KCNK13: variants seen among roughly 807,000 people sequenced by gnomAD.
The protein encoded by KCNK13 is potassium two pore domain channel subfamily K member 13, also known as potassium channel subfamily K member 13.
In KCNK13, 12 loss-of-function variants were observed where a neutral mutation model predicts 23.4. The ratio of observed to expected loss-of-function variants is 0.51; its 90% confidence interval spans 0.33 to 0.83. KCNK13 has a LOEUF of 0.83. Ranked by LOEUF, KCNK13 falls within the 40% of genes least tolerant of loss-of-function variation. The pLI, the probability that KCNK13 is intolerant of heterozygous loss-of-function variation, is 0.02. For missense variants in KCNK13, 463 were observed against 556.3 expected (o/e 0.83, Z 1.69); for synonymous variants, 231 against 229.5 (o/e 1.01, Z -0.06).
rs1466547422 is a variant in KCNK13 at position 90,075,622 on chromosome 14, G to A, written c.334+13083G>A. Among the ~76,000 whole-genome samples the A allele has an allele frequency of 2.6e-5, 4 of 152,104 alleles. No homozygotes were observed. In the South Asian group the frequency reaches 8.3e-4, roughly 32 times the overall value. On this transcript the variant is annotated intron_variant, in intron 1 of 1. Transcript: ENST00000282146. The stretch of plus-strand genomic sequence containing the variant: ...GCCTCCTGAGTAGCTGGGATTACAG[G>A]CGTGCACCACCATGCTCGGCTAATT...
At chr14:90,146,332 T>TG (rs896784954) in intron 1 of KCNK13, among the ~76,000 whole-genome samples, 15 of 152,028 alleles carry the variant, frequency 9.9e-5, no homozygotes, top group South Asian at 6.2e-4. Flanking sequence ...TCTTTTTTAG[T>TG]GGGGGGGCAA....
chr14:90,107,220 C>T (rs1179934405), intron 1 of KCNK13, among the ~76,000 whole-genome samples: 1 of 152,052 alleles, frequency 6.6e-6, no homozygotes, highest in Non-Finnish European at 1.5e-5. Context: ...TGGCTCATGC[C>T]TGTAATCCCA....
At chr14:90,073,587 T>C (rs1249917324) in intron 1 of KCNK13, among the ~76,000 whole-genome samples, 1 of 152,184 alleles carries the variant, frequency 6.6e-6, no homozygotes, top group African/African-American at 2.4e-5. Flanking sequence ...CGAACTGTGC[T>C]CCCCGGAGCC....
chr14:90,077,333 C>G (rs1012238058), intron 1 of KCNK13, among the ~76,000 whole-genome samples: 6 of 148,868 alleles, frequency 4.0e-5, no homozygotes, highest in Non-Finnish European at 7.4e-5. Context: ...GTTGGCCAGG[C>G]TGGTCTCGAA....
intron 1 of KCNK13, among the ~76,000 whole-genome samples, chr14:90,166,287 C>A (rs377526615): frequency 1.3e-5 from 2 of 152,198 alleles, no homozygotes; most frequent in East Asian, 3.8e-4. Flanking sequence ...TAGCGGTAAC[C>A]GCTGCAAAAT....
intron 1 of KCNK13, among the ~76,000 whole-genome samples, chr14:90,075,749 G>A (rs1212176626): frequency 2.0e-5 from 3 of 152,084 alleles, no homozygotes; most frequent in Non-Finnish European, 4.4e-5. Flanking sequence ...CCAAAGTGCT[G>A]GGATTACAGG....
intron 1 of KCNK13, among the ~76,000 whole-genome samples, chr14:90,090,957 T>C (rs1445698589): frequency 6.6e-6 from 1 of 152,182 alleles, no homozygotes; most frequent in Non-Finnish European, 1.5e-5. Flanking sequence ...GGTACCTTTA[T>C]CAGCAGCATG....
chr14:90,130,822 A>C (rs1285636388), intron 1 of KCNK13, among the ~76,000 whole-genome samples: 1 of 152,180 alleles, frequency 6.6e-6, no homozygotes, highest in Admixed American at 6.5e-5. Context: ...CTCAAAAATT[A>C]AATAAATATA....
chr14:90,143,907 T>C (rs1468640120), intron 1 of KCNK13, among the ~76,000 whole-genome samples: 1 of 152,208 alleles, frequency 6.6e-6, no homozygotes, highest in Non-Finnish European at 1.5e-5. Context: ...CAAAGGCAAA[T>C]TCCTATTTGC....
chr14:90,167,791 C>T (rs1477156951), intron 1 of KCNK13, among the ~76,000 whole-genome samples: 3 of 152,148 alleles, frequency 2.0e-5, no homozygotes, highest in Admixed American at 6.6e-5. Flanking sequence ...CCAATAATCC[C>T]AAACCTCATT....
chr14:90,136,591 T>C (rs1889939159), intron 1 of KCNK13, among the ~76,000 whole-genome samples: 1 of 152,220 alleles, frequency 6.6e-6, no homozygotes, highest in Non-Finnish European at 1.5e-5. Context: ...CCATGATAGT[T>C]ATTATTACAA....
Position 90,062,463 on chromosome 14 carries a change from C to A in KCNK13, c.258C>A (p.Ile86=). Reference sequence around the variant, plus strand: ...ACGAGGAGGCCACTCGGGCCGGCATCCGCGTGGACAACGTCCGCCCGCGCT... The same window carrying A: ...ACGAGGAGGCCACTCGGGCCGGCATACGCGTGGACAACGTCCGCCCGCGCT... ...RHYEEATRAG[I]RVDNVRPRWD... Residue 86 remains isoleucine, a synonymous_variant, in exon 1 of 2, where the codon ATC becomes ATA. Coordinates refer to ENST00000282146, the MANE Select transcript of KCNK13 (RefSeq NM_022054.4). This position sits in a 1 kb window ranked among gnomAD's most constrained non-coding sequence, Gnocchi z 4.5. 6.5e-7 allele frequency: 1 copy of A among 1,545,916 alleles called. No homozygotes were observed. Among genetic ancestry groups the A allele is most frequent in the Non-Finnish European group, 8.7e-7 (1 of 1,146,006 alleles).
intron 1 of KCNK13, among the ~76,000 whole-genome samples, chr14:90,133,680 A>T (rs1327241983): frequency 1.3e-5 from 2 of 151,580 alleles, no homozygotes; most frequent in Admixed American, 6.6e-5. Context: ...GAACCAGGCA[A>T]GTTGAGTTCA....
intron 1 of KCNK13, among the ~76,000 whole-genome samples, chr14:90,068,780 C>T (rs969542777): frequency 1.3e-5 from 2 of 152,074 alleles, no homozygotes; most frequent in African/African-American, 4.8e-5. Flanking sequence ...CCCTCCCATG[C>T]TTTAGAACAT....
intron 1 of KCNK13, among the ~76,000 whole-genome samples, chr14:90,080,760 T>C (rs1036548643): frequency 9.2e-5 from 14 of 152,148 alleles, no homozygotes; most frequent in African/African-American, 2.4e-4. Context: ...CTGTTTTGGA[T>C]TCCCCAGGGC....
chr14:90,062,355 G>C lies in KCNK13; in HGVS notation c.150G>C (p.Lys50Asn), dbSNP rs2140383699. 1 of 1,555,838 alleles carries C rather than the reference G, an allele frequency of 6.4e-7. No homozygotes were observed. Among genetic ancestry groups the C allele is most frequent in the East Asian group, 2.4e-5 (1 of 41,396 alleles). ...AGCTGGCGCACGAGCGCCAGGCCAA[G>C]CAGCGCTGGGAGGAGCGCCTGGCCA... The part of the protein sequence containing the change: ...ALELAHERQA[K>N]QRWEERLANF... Residue 50 changes from lysine (K) to asparagine (N), a missense_variant, in exon 1 of 2, where the codon AAG becomes AAC. Lys to Asn is a moderately conservative substitution (Grantham distance 94). Coordinates refer to ENST00000282146, the MANE Select transcript of KCNK13 (RefSeq NM_022054.4). This position sits in a 1 kb window ranked among gnomAD's most constrained non-coding sequence, Gnocchi z 4.5.
chr14:90,087,051 C>A (rs1366647301), intron 1 of KCNK13, among the ~76,000 whole-genome samples: 3 of 150,488 alleles, frequency 2.0e-5, no homozygotes, highest in Admixed American at 6.6e-5. Context: ...CCTTCACCCT[C>A]ACCACTACCT....
rs140159967 is a variant in KCNK13, at chr14:90,148,544, A to G, written c.335-35567A>G. 4.3e-3 allele frequency among the ~76,000 whole-genome samples: 655 copies of G among 152,210 alleles called. 4 individuals carry two copies. Among genetic ancestry groups the G allele is most frequent in the African/African-American group, 0.015 (627 of 41,546 alleles). On this transcript the variant is annotated intron_variant, in intron 1 of 1. Transcript: ENST00000282146. ...AAGTGGCCATTGAACTAGGCCTTGA[A>G]TGGGAAGAAGAGGGGCAGGGTAGGC...
intron 1 of KCNK13, among the ~76,000 whole-genome samples, chr14:90,136,992 G>A (rs557282833): frequency 3.9e-5 from 6 of 152,032 alleles, no homozygotes; most frequent in African/African-American, 1.2e-4. Context: ...TCACTCAATC[G>A]CAAAACAGGC....
Sources: gnomAD v4.1 joint callset for allele counts (sites outside exome capture counted in the v4.1 genomes callset) on GRCh38, gnomAD v4.1.1 for gene constraint, Gnocchi (gnomAD v3.1) non-coding constraint, MANE v1.5 for transcripts, NCBI Gene and HGNC (gene_info 2026-07-23, HGNC 2026-07-21) for gene names.